ZNF714: variants seen among roughly 807,000 people sequenced by gnomAD.
ZNF714 encodes the protein zinc finger protein 714.
In ZNF714, 32 loss-of-function variants were observed where a neutral mutation model predicts 46.2. The observed-to-expected ratio is 0.69, with a 90% confidence interval of 0.52 to 0.93. The LOEUF (loss-of-function observed/expected upper bound fraction) is 0.93. ZNF714 is among the 40% of genes least tolerant of loss of function. The pLI, the probability that ZNF714 is intolerant of heterozygous loss-of-function variation, is 0.00. For missense variants in ZNF714, 635 were observed against 646.3 expected, an observed-to-expected ratio of 0.98 and a Z score of 0.19; for synonymous variants, 199 against 213.1, an observed-to-expected ratio of 0.93 and a Z score of 0.58.
intron 2 of ZNF714, among the ~76,000 whole-genome samples, chr19:21,094,561 C>T (rs1968993519): frequency 6.6e-6 from 1 of 152,178 alleles, no homozygotes. Flanking sequence ...CAGTCTCACT[C>T]TGTCACCCAG....
In ZNF714 at chr19:21,118,420, C is replaced by G. The variant is rs534530407; in HGVS notation, c.*88C>G. On this transcript the variant is annotated 3_prime_UTR_variant, in exon 5 of 5. Coordinates refer to ENST00000456283, the MANE Select transcript of ZNF714 (RefSeq NM_182515.4). Reference sequence around the variant, plus strand: ...TGAGCCAAGATCGCGCCATTCTACTCCAGCCTGGGCCACAAGGCAAGACTC... The same window carrying G: ...TGAGCCAAGATCGCGCCATTCTACTGCAGCCTGGGCCACAAGGCAAGACTC... 1.5e-4 allele frequency: 68 copies of G among 464,054 alleles called. No homozygotes were observed. In the South Asian group the frequency reaches 2.0e-3, roughly 14 times the overall value. The allele number at this position is 464,054 out of a possible 1,614,324, so 28.7% of individuals were successfully genotyped here.
intron 4 of ZNF714, among the ~76,000 whole-genome samples, chr19:21,106,686 G>A (rs1241195079): frequency 1.3e-5 from 2 of 151,714 alleles, no homozygotes; most frequent in African/African-American, 4.8e-5. Context: ...CTTCTCTGTT[G>A]TGTGCTCGTG....
chr19:21,085,917 A>G (rs1954734263), intron 2 of ZNF714, among the ~76,000 whole-genome samples: 1 of 152,166 alleles, frequency 6.6e-6, no homozygotes, highest in Non-Finnish European at 1.5e-5. Context: ...GAGTATTGCA[A>G]CAGGAAAAAG....
At chr19:21,096,598 C>T (rs1010480867) in intron 2 of ZNF714, among the ~76,000 whole-genome samples, 8 of 152,124 alleles carry the variant, frequency 5.3e-5, no homozygotes, top group Admixed American at 1.3e-4. Flanking sequence ...ATCCTATGTA[C>T]GAGAGCCTTC....
At chr19:21,094,109 G>T (rs73022634) in intron 2 of ZNF714, among the ~76,000 whole-genome samples, 11,536 of 152,236 alleles carry the variant, frequency 0.076, 499 homozygotes, top group Non-Finnish European at 0.086. Context: ...TCCTGCCTCA[G>T]TTTCCTATGT....
At chr19:21,083,583 T>C (rs1416654063) in intron 1 of ZNF714, among the ~76,000 whole-genome samples, 1 of 152,220 alleles carries the variant, frequency 6.6e-6, no homozygotes, top group Non-Finnish European at 1.5e-5. Flanking sequence ...TAATTCACGT[T>C]ATCACCTGTT....
Position 21,121,044 on chromosome 19 carries a change from CTTG to C in ZNF714, c.*2722_*2724del, listed in dbSNP as rs1048288874. 49 of 151,938 alleles carry C rather than the reference CTTG, an allele frequency of 3.2e-4. No homozygotes were observed. Among genetic ancestry groups the C allele is most frequent in the African/African-American group, 1.1e-3 (47 of 41,356 alleles). The allele number at this position is 151,938 out of a possible 1,614,324, so 9.4% of individuals were successfully genotyped here. A position where few individuals can be genotyped will look rare whatever the true frequency, so the allele number is the denominator to read the frequency against. ...TTAAAAATTTTTTGTTGTTGTTGTTCTTGTTGTTGTTGAGACGGAGTCTCGCTC... is the reference window on the plus strand; with the variant it reads ...TTAAAAATTTTTTGTTGTTGTTGTTCTTGTTGTTGAGACGGAGTCTCGCTC... On this transcript the variant is annotated 3_prime_UTR_variant, in exon 5 of 5. Coordinates refer to ENST00000456283, the MANE Select transcript of ZNF714 (RefSeq NM_182515.4).
At chr19:21,106,423 G>T (rs1031156803) in intron 4 of ZNF714, among the ~76,000 whole-genome samples, 20 of 151,684 alleles carry the variant, frequency 1.3e-4, no homozygotes, top group African/African-American at 4.6e-4. Flanking sequence ...ACAAAAATTA[G>T]CTGGGCGTGG....
rs1260294308 is a variant in ZNF714 at position 21,086,397 on chromosome 19, G to A, written c.-85+2328G>A. Among the ~76,000 whole-genome samples, 3 of 152,166 alleles carry A rather than the reference G, an allele frequency of 2.0e-5. No individual in the cohort carries two copies. The East Asian group carries it at 5.8e-4, about 29-fold the overall frequency. Reference sequence around the variant, plus strand: ...CTTACTCCATAGGCAGGGCAGCACCGAGGGCTGCTGGTTGCACATTTTTAT... The same window carrying A: ...CTTACTCCATAGGCAGGGCAGCACCAAGGGCTGCTGGTTGCACATTTTTAT... On this transcript the variant is annotated intron_variant, in intron 2 of 4. Transcript: ENST00000456283.
At position 21,120,795 on chromosome 19, in the gene ZNF714, A is replaced by C. The variant is rs1969691167; in HGVS notation, c.*2463A>C. The stretch of plus-strand genomic sequence containing the variant: ...TTTTTTGCCAGTGGCTTTAAACCGC[A>C]AATAAGTTAAAGAATATTGTTTCTG... On this transcript the variant is annotated 3_prime_UTR_variant, in exon 5 of 5. Transcript: ENST00000456283. The C allele has an allele frequency of 1.3e-5, 2 of 152,144 alleles. No individual in the cohort carries two copies. Among genetic ancestry groups the C allele is most frequent in the South Asian group, 4.1e-4 (2 of 4,824 alleles). 9.4% of individuals were successfully genotyped at this position (152,144 alleles called of 1,614,324 possible). A position where few individuals can be genotyped will look rare whatever the true frequency, so the allele number is the denominator to read the frequency against.
At chr19:21,091,074 G>A (rs1374514862) in intron 2 of ZNF714, 1 of 151,808 alleles carries the variant, frequency 6.6e-6, no homozygotes, top group Non-Finnish European at 1.5e-5. Flanking sequence ...TAGTAGGACG[G>A]GGTTTCACCA....
At chr19:21,083,320 G>A (rs913684133) in intron 1 of ZNF714, among the ~76,000 whole-genome samples, 1 of 152,212 alleles carries the variant, frequency 6.6e-6, no homozygotes, top group Non-Finnish European at 1.5e-5. Context: ...ACAGGCGTGA[G>A]CCACCGCGCC....
At chr19:21,083,856 C>A in intron 1 of ZNF714, 122 bp from the exon 2 acceptor site, 1 of 317,372 alleles carries the variant, frequency 3.2e-6, no homozygotes, top group Non-Finnish European at 5.5e-6. Context: ...CCTCAGCCAC[C>A]CTTTAGTTTT....
In ZNF714 at chr19:21,113,538, G is replaced by A. The variant is rs552576658; in HGVS notation, c.143-3269G>A. Among the ~76,000 whole-genome samples, 33 of 144,620 alleles carry A rather than the reference G, an allele frequency of 2.3e-4. No homozygotes were observed. The East Asian group carries it at 4.2e-3, about 19-fold the overall frequency. The allele number at this position is 144,620 out of a possible 152,430, so 94.9% of individuals were successfully genotyped here. ...TTTTTTTTTTTTGAGACCGAGTCTC[G>A]CTCTGTCACCCAGGCTGGAGTGCAA... On this transcript the variant is annotated intron_variant, in intron 4 of 4. Coordinates refer to ENST00000456283, the MANE Select transcript of ZNF714 (RefSeq NM_182515.4).
chr19:21,118,109 A>T lies in ZNF714; in HGVS notation c.1445A>T (p.Lys482Ile). ...ATTCATACTGGAGAGAAATCTTACAAATGTGAAGAATGTGGTAAAGCCTTT... is the reference window on the plus strand; with the variant it reads ...ATTCATACTGGAGAGAAATCTTACATATGTGAAGAATGTGGTAAAGCCTTT... ...NIIHTGEKSY[K>I]CEECGKAFNQ... The change falls in exon 5 of 5, where the codon AAA becomes ATA. Residue 482 changes from lysine to isoleucine, a missense_variant. Lys to Ile is a moderately radical substitution (Grantham distance 102). Coordinates refer to ENST00000456283, the MANE Select transcript of ZNF714 (RefSeq NM_182515.4). 6.2e-7 allele frequency: 1 copy of T among 1,613,926 alleles called. No homozygotes were observed.
rs781767960 is a variant in ZNF714, at chr19:21,122,624, G to C, written c.*4292G>C. ...ACTCATAAAAAAAAAAATAAATTCT[G>C]CTTCTTTTATTTTCTACTTCTCTTC... On this transcript the variant is annotated 3_prime_UTR_variant, in exon 5 of 5. Coordinates refer to ENST00000456283, the MANE Select transcript of ZNF714 (RefSeq NM_182515.4). 1.3e-5 allele frequency: 2 copies of C among 151,792 alleles called. No individual in the cohort carries two copies. The highest frequency in any genetic ancestry group is 2.9e-5 in the Non-Finnish European group (2 of 67,926). The allele number at this position is 151,792 out of a possible 1,614,324, so 9.4% of individuals were successfully genotyped here. A position where few individuals can be genotyped will look rare whatever the true frequency, so the allele number is the denominator to read the frequency against.
chr19:21,106,180 G>A (rs1220771150), intron 4 of ZNF714, among the ~76,000 whole-genome samples: 4 of 151,964 alleles, frequency 2.6e-5, no homozygotes, highest in Non-Finnish European at 5.9e-5. Flanking sequence ...ACTTGAATCT[G>A]GGAGGCAGAG....
chr19:21,104,207 A>G (rs1369753653), intron 4 of ZNF714, among the ~76,000 whole-genome samples: 6 of 149,648 alleles, frequency 4.0e-5, no homozygotes, highest in Non-Finnish European at 7.4e-5. Flanking sequence ...ATTTGATTTA[A>G]TTATGATAAT....
intron 2 of ZNF714, among the ~76,000 whole-genome samples, chr19:21,096,165 G>C (rs1049639755): frequency 2.0e-5 from 3 of 152,070 alleles, no homozygotes; most frequent in African/African-American, 7.2e-5. Context: ...ACCTGTGGAC[G>C]GTAAAAGAGG....
Sources: allele counts gnomAD v4.1 joint callset (sites outside exome capture counted in the v4.1 genomes callset), GRCh38; gene constraint gnomAD v4.1.1; transcripts MANE v1.5; gene names NCBI Gene and HGNC (gene_info 2026-07-23, HGNC 2026-07-21).